The following RBM47 variants were observed in gnomAD, a reference collection of about 807,000 sequenced individuals.
RBM47 encodes the protein RNA binding motif protein 47, also known as RNA-binding protein 47.
In RBM47, 21 loss-of-function variants were observed where a neutral mutation model predicts 47.1. The ratio of observed to expected loss-of-function variants is 0.45; its 90% CI spans 0.32 to 0.64. The LOEUF is 0.64. Ranked by LOEUF, RBM47 falls within the 30% of genes least tolerant of loss-of-function variation. RBM47 has a pLI of 0.05. For missense variants in RBM47, 708 were observed against 870.9 expected (o/e 0.81, Z 2.35); for synonymous variants, 375 against 361.7 (o/e 1.04, Z -0.42).
At chr4:40,496,507 A>T (rs192359154) in intron 2 of RBM47, among the ~76,000 whole-genome samples, 37 of 152,314 alleles carry the variant, frequency 2.4e-4, no homozygotes, top group African/African-American at 8.4e-4. Flanking sequence ...AGACATTCAC[A>T]TAAACTCTTT....
chr4:40,511,475 CATT>C (rs1724921321), intron 2 of RBM47, among the ~76,000 whole-genome samples: 1 of 152,154 alleles, frequency 6.6e-6, no homozygotes, highest in Non-Finnish European at 1.5e-5. Context: ...GACATAGAAG[CATT>C]ATTATCATAT....
At chr4:40,505,031 A>G (rs1307094173) in intron 2 of RBM47, among the ~76,000 whole-genome samples, 1 of 152,208 alleles carries the variant, frequency 6.6e-6, no homozygotes, top group Non-Finnish European at 1.5e-5. Context: ...TCTTTAAAAG[A>G]TGCTGGGCTA....
At chr4:40,601,032 G>A (rs1254710731) in intron 1 of RBM47, among the ~76,000 whole-genome samples, 1 of 114,592 alleles carries the variant, frequency 8.7e-6, no homozygotes, top group Admixed American at 9.2e-5. Context: ...GATCTTCCTA[G>A]TAAGCCTTTC....
chr4:40,453,571 TGAA>T (rs997765662), intron 3 of RBM47, among the ~76,000 whole-genome samples: 4 of 152,366 alleles, frequency 2.6e-5, no homozygotes, highest in African/African-American at 9.6e-5. Context: ...ATTAAGATGA[TGAA>T]GATGAACTCC....
At chr4:40,446,730 C>A (rs1337771419) in intron 3 of RBM47, among the ~76,000 whole-genome samples, 4 of 110,182 alleles carry the variant, frequency 3.6e-5, no homozygotes, top group African/African-American at 1.4e-4. Flanking sequence ...CAGAGCAAGA[C>A]CCAGTCTCAA....
chr4:40,611,722 C>G (rs1736279167), intron 1 of RBM47, among the ~76,000 whole-genome samples: 1 of 151,714 alleles, frequency 6.6e-6, no homozygotes, highest in Non-Finnish European at 1.5e-5. Context: ...GAGCAAAACT[C>G]TGTCTCAAAA....
intron 2 of RBM47, among the ~76,000 whole-genome samples, chr4:40,527,436 A>ATTTTTT (rs60524903): frequency 1.6e-3 from 163 of 104,630 alleles, no homozygotes; most frequent in East Asian, 2.7e-3. Flanking sequence ...ACACCTGGCA[A>ATTTTTT]TTTTTTTTTT....
At chr4:40,549,355 G>A (rs1038328034) in intron 1 of RBM47, among the ~76,000 whole-genome samples, 7 of 152,024 alleles carry the variant, frequency 4.6e-5, no homozygotes, top group Non-Finnish European at 7.4e-5. Context: ...GCCTCCCAAA[G>A]TGCTGGGATT....
intron 2 of RBM47, among the ~76,000 whole-genome samples, chr4:40,524,489 C>T (rs1250574230): frequency 1.3e-5 from 2 of 152,206 alleles, no homozygotes; most frequent in African/African-American, 2.4e-5. Flanking sequence ...CTCTCTGTTT[C>T]ACAGCTGTGT....
intron 3 of RBM47, among the ~76,000 whole-genome samples, chr4:40,443,648 C>T (rs910125387): frequency 1.3e-4 from 17 of 127,612 alleles, no homozygotes; most frequent in Non-Finnish European, 2.2e-4. Flanking sequence ...ACCTGGGAGG[C>T]GGAAGTTGTG....
chr4:40,483,491 A>T, intron 2 of RBM47, among the ~76,000 whole-genome samples: 1 of 152,166 alleles, frequency 6.6e-6, no homozygotes, highest in Non-Finnish European at 1.5e-5. Context: ...TGATTGGAGG[A>T]TTCTGAGCAG....
At chr4:40,456,629 G>C (rs1716307694) in intron 3 of RBM47, among the ~76,000 whole-genome samples, 2 of 125,560 alleles carry the variant, frequency 1.6e-5, no homozygotes, top group African/African-American at 3.1e-5. Flanking sequence ...GCAGTGGCAT[G>C]ATCACGGCTC....
chr4:40,454,293 T>A lies in RBM47; in HGVS notation c.-32+12284A>T, dbSNP rs1427624727. Among the ~76,000 whole-genome samples the A allele has an allele frequency of 3.9e-5, 6 of 152,310 alleles. No homozygotes were observed. In the East Asian group the frequency reaches 1.2e-3, roughly 29 times the overall value. ...TCAGCTGTGTAGCTGTGTGACACAT[T>A]GGTAAACTAACTATTTAAAATCCTG... On this transcript the variant is annotated intron_variant, in intron 3 of 6. Transcript: ENST00000295971.
At chr4:40,622,513 C>A (rs185857615) in intron 1 of RBM47, among the ~76,000 whole-genome samples, 207 of 152,322 alleles carry the variant, frequency 1.4e-3, no homozygotes, top group African/African-American at 4.9e-3. Context: ...AAGTCATTCA[C>A]TGGCTTTTGA....
intron 1 of RBM47, among the ~76,000 whole-genome samples, chr4:40,554,100 G>A (rs540036190): frequency 1.8e-4 from 28 of 152,226 alleles, no homozygotes; most frequent in African/African-American, 5.8e-4. Context: ...GACCCAGCAC[G>A]GTGCCTGGTG....
chr4:40,601,117 C>T (rs1490897497), intron 1 of RBM47, among the ~76,000 whole-genome samples: 1 of 151,916 alleles, frequency 6.6e-6, no homozygotes, highest in Non-Finnish European at 1.5e-5. Flanking sequence ...AGGACGGAAG[C>T]AATGAAGAAG....
intron 2 of RBM47, among the ~76,000 whole-genome samples, chr4:40,513,865 C>A (rs1725250118): frequency 6.6e-6 from 1 of 151,980 alleles, no homozygotes; most frequent in East Asian, 1.9e-4. Context: ...ACTACCGGCG[C>A]ACACCACCAT....
intron 2 of RBM47, among the ~76,000 whole-genome samples, chr4:40,468,179 C>T (rs186384345): frequency 1.3e-5 from 2 of 152,212 alleles, no homozygotes; most frequent in East Asian, 3.9e-4. Context: ...CCCAGCTACT[C>T]AGGAGGCTGA....
rs116579470 is a variant in RBM47 at position 40,548,217 on chromosome 4, A to G, written c.-239-3711T>C. ...ATGAATAACAGTTTACCCGGCAGAC[A>G]CATCTGAAAGACAAGAGGGCATTTT... On this transcript the variant is annotated intron_variant, in intron 1 of 6. Coordinates refer to ENST00000295971, the MANE Select transcript of RBM47 (RefSeq NM_001098634.2). 9.6e-3 allele frequency among the ~76,000 whole-genome samples: 1,455 copies of G among 152,334 alleles called. 20 individuals are homozygous for G. The highest frequency in any genetic ancestry group is 0.033 in the African/African-American group (1,387 of 41,570).
Sources: gnomAD v4.1 joint callset for allele counts (sites outside exome capture counted in the v4.1 genomes callset) on GRCh38, gnomAD v4.1.1 for gene constraint, MANE v1.5 for transcripts, NCBI Gene and HGNC (gene_info 2026-07-23, HGNC 2026-07-21) for gene names.